Variants in SYNRG observed in about 807,000 individuals in gnomAD.
SYNRG encodes the protein AP1 gamma subunit binding protein 1.
A neutral mutation model predicts 130.9 loss-of-function variants in SYNRG; 37 were observed. The ratio of observed to expected loss-of-function variants is 0.28; its 90% CI spans 0.22 to 0.37. The LOEUF (loss-of-function observed/expected upper bound fraction) is 0.37. SYNRG is among the 10% of genes least tolerant of loss of function. SYNRG has a pLI of 1.00. For synonymous variants in SYNRG, 539 were observed against 568.1 expected (o/e 0.95, Z 0.73); for missense variants, 1,338 against 1,588.9 (o/e 0.84, Z 2.68).
Position 37,536,151 on chromosome 17 carries a change from G to A in SYNRG, c.3518-24C>T, listed in dbSNP as rs746783295. 1.4e-5 allele frequency: 22 copies of A among 1,594,156 alleles called. 1 individual carries two copies. In the South Asian group the frequency reaches 2.4e-4, roughly 17 times the overall value. On this transcript the variant is annotated intron_variant, in intron 18 of 21. Coordinates refer to ENST00000612223, the MANE Select transcript of SYNRG (RefSeq NM_007247.6). ...ACCTGACGGGATGAGAGAGCAGAGAGAGAGTGTTGGCAGTGGAGACACAGA... is the reference window on the plus strand; with the variant it reads ...ACCTGACGGGATGAGAGAGCAGAGAAAGAGTGTTGGCAGTGGAGACACAGA...
In SYNRG at chr17:37,576,438, A is replaced by G. The variant is rs754222929; in HGVS notation, c.824-20T>C. 55 of 1,610,514 alleles carry G rather than the reference A, an allele frequency of 3.4e-5. No individual in the cohort carries two copies. The highest frequency in any genetic ancestry group is 4.6e-5 in the Non-Finnish European group (54 of 1,177,334). ...CCACACCTAGAAGGTAAGAAACATTAATGTATATAGTGGTCCATGGAGAAG... is the reference window on the plus strand; with the variant it reads ...CCACACCTAGAAGGTAAGAAACATTGATGTATATAGTGGTCCATGGAGAAG... On this transcript the variant is annotated intron_variant, in intron 7 of 21. Coordinates refer to ENST00000612223, the MANE Select transcript of SYNRG (RefSeq NM_007247.6).
chr17:37,539,676 TTA>T (rs968929361), intron 16 of SYNRG, among the ~76,000 whole-genome samples: 4 of 152,192 alleles, frequency 2.6e-5, no homozygotes, highest in African/African-American at 4.8e-5. Flanking sequence ...CAGCCGCAGT[TTA>T]TCTTTTTGAA....
chr17:37,538,767 G>C (rs2057449954), intron 17 of SYNRG, among the ~76,000 whole-genome samples: 1 of 152,120 alleles, frequency 6.6e-6, no homozygotes, highest in African/African-American at 2.4e-5. Context: ...GCTAATTTTT[G>C]CATTTTTAGT....
intron 17 of SYNRG, among the ~76,000 whole-genome samples, chr17:37,538,720 G>A (rs2057444246): frequency 6.6e-6 from 1 of 152,188 alleles, no homozygotes; most frequent in Admixed American, 6.5e-5. Context: ...TCAGTTTCCT[G>A]AGTAGCTGAG....
chr17:37,604,078 T>C (rs1013680301), intron 1 of SYNRG, among the ~76,000 whole-genome samples: 1 of 151,938 alleles, frequency 6.6e-6, no homozygotes, highest in Non-Finnish European at 1.5e-5. Context: ...CTATTTCTAC[T>C]AAAAATATAA....
intron 19 of SYNRG, among the ~76,000 whole-genome samples, chr17:37,522,329 ATT>A (rs2055198998): frequency 6.6e-6 from 1 of 151,780 alleles, no homozygotes; most frequent in African/African-American, 2.4e-5. Context: ...CGCCCAGCTA[ATT>A]TTTTGATTTT....
chr17:37,523,774 C>T (rs1382702694), intron 19 of SYNRG, among the ~76,000 whole-genome samples: 1 of 152,110 alleles, frequency 6.6e-6, no homozygotes, highest in East Asian at 1.9e-4. Context: ...TGGATGGCTG[C>T]ACTGATTCCA....
At chr17:37,548,842 A>C (rs368223117) in intron 14 of SYNRG, among the ~76,000 whole-genome samples, 206 of 149,488 alleles carry the variant, frequency 1.4e-3, no homozygotes, top group Non-Finnish European at 1.9e-3. Context: ...AAAAAAAAAA[A>C]ACACACAAAA....
At chr17:37,593,489 T>A (rs2062392630) in intron 3 of SYNRG, among the ~76,000 whole-genome samples, 1 of 152,158 alleles carries the variant, frequency 6.6e-6, no homozygotes, top group Non-Finnish European at 1.5e-5. Flanking sequence ...AAGAGATAAC[T>A]AAAGGAACAA....
intron 2 of SYNRG, among the ~76,000 whole-genome samples, chr17:37,598,677 T>C (rs2062995142): frequency 1.3e-5 from 2 of 152,078 alleles, no homozygotes; most frequent in African/African-American, 4.8e-5. Flanking sequence ...ATTTAAAGCC[T>C]TCAAATGATC....
At chr17:37,576,454 CATGGAGAAG>C (rs2060845178) in intron 7 of SYNRG, 36 bp from the exon 8 acceptor site, 2 of 1,575,516 alleles carry the variant, frequency 1.3e-6, no homozygotes, top group Non-Finnish European at 1.7e-6. Flanking sequence ...TATAGTGGTC[CATGGAGAAG>C]ATGGCGAAAT....
chr17:37,601,234 A>AT (rs1410556802), intron 1 of SYNRG, among the ~76,000 whole-genome samples: 1 of 151,792 alleles, frequency 6.6e-6, no homozygotes, highest in Non-Finnish European at 1.5e-5. Flanking sequence ...CGACTGGCTA[A>AT]TTTTTTGTAT....
rs148627103 is a variant in SYNRG at position 37,542,854 on chromosome 17, T to C, written c.2609-289A>G. ...GTTCATCTACCAAAGTATACACTGT[T>C]TGATATAAGATTAGGGTCATTTAAT... is the stretch of plus-strand genomic sequence containing the variant. On this transcript the variant is annotated intron_variant, in intron 14 of 21. Transcript: ENST00000612223. 1.5e-3 allele frequency among the ~76,000 whole-genome samples: 233 copies of C among 152,324 alleles called. 1 individual carries two copies. The highest frequency in any genetic ancestry group is 3.4e-3 in the Middle Eastern group (1 of 294).
chr17:37,609,137 T>A, intron 1 of SYNRG, 142 bp downstream of exon 1: 2 of 1,012,080 alleles, frequency 2.0e-6, no homozygotes, highest in South Asian at 2.7e-5. Context: ...CCTTTCGGCC[T>A]GGGTCCCTGG....
chr17:37,563,104 C>T (rs552989458), intron 11 of SYNRG, among the ~76,000 whole-genome samples: 1 of 152,248 alleles, frequency 6.6e-6, no homozygotes, highest in East Asian at 1.9e-4. Flanking sequence ...TTTATGCATA[C>T]TGCAAATGAA....
At position 37,603,354 on chromosome 17, in the gene SYNRG, TAACAACAAC is replaced by T. The variant is rs911970870; in HGVS notation, c.78-2960_78-2952del. On this transcript the variant is annotated intron_variant, in intron 1 of 21. Coordinates refer to ENST00000612223, the MANE Select transcript of SYNRG (RefSeq NM_007247.6). Reference sequence around the variant, plus strand: ...CCTCATCTCTCCAAAATAATAATAATAACAACAACAACAACAATAAATAACATAAAAATT... The same window carrying T: ...CCTCATCTCTCCAAAATAATAATAATAACAACAATAAATAACATAAAAATT... 3.9e-5 allele frequency among the ~76,000 whole-genome samples: 6 copies of T among 152,026 alleles called. No individual in the cohort carries two copies. The South Asian group carries it at 8.3e-4, about 21-fold the overall frequency.
At position 37,600,352 on chromosome 17, in the gene SYNRG, C is replaced by T. The variant is rs1414643440; in HGVS notation, c.118+11G>A. 1 of 1,579,692 alleles carries T rather than the reference C, an allele frequency of 6.3e-7. No individual in the cohort carries two copies. The stretch of plus-strand genomic sequence containing the variant: ...GAAAAATAAAAGTTCAAAACTTAAG[C>T]TCTCACATACCTTGAGGGGGTCTTA... On this transcript the variant is annotated intron_variant, in intron 2 of 21. Transcript: ENST00000612223.
rs776869703 is a variant in SYNRG, at chr17:37,539,232, T to C, written c.3380A>G (p.Tyr1127Cys). The change falls in exon 17 of 22, where the codon TAT (tyrosine) becomes TGT (cysteine). Residue 1127 changes from tyrosine (Y) to cysteine (C), a missense_variant. Tyr to Cys is a radical substitution (Grantham distance 194). Transcript: ENST00000612223. ...LTGEVEENER[Y>C]AYEWQRCLGS... ...CAGGCATCTCTGCCATTCATATGCA[T>C]ATCTCTCATTTTCCTGTGAATTTGT... 20 of 1,614,212 alleles carry C rather than the reference T, an allele frequency of 1.2e-5. No individual in the cohort carries two copies. Among genetic ancestry groups the C allele is most frequent in the Admixed American group, 3.3e-5 (2 of 60,030 alleles).
chr17:37,594,288 T>C (rs2062529182), intron 3 of SYNRG, among the ~76,000 whole-genome samples: 1 of 147,208 alleles, frequency 6.8e-6, no homozygotes, highest in Admixed American at 6.8e-5. Flanking sequence ...ATTTTAATTA[T>C]ATTAATTACA....
Sources: allele counts gnomAD v4.1 joint callset (sites outside exome capture counted in the v4.1 genomes callset), GRCh38; gene constraint gnomAD v4.1.1; transcripts MANE v1.5; gene names NCBI Gene and HGNC (gene_info 2026-07-23, HGNC 2026-07-21).